IPO11: variants seen among roughly 807,000 people sequenced by gnomAD.
IPO11 encodes importin-11.
Under a neutral mutation model 143.2 loss-of-function variants are expected in IPO11, and 66 were observed. The observed-to-expected ratio is 0.46, with a 90% CI of 0.38 to 0.57. The LOEUF (loss-of-function observed/expected upper bound fraction) is 0.57. Among genes scored for constraint, IPO11 ranks in the 20% least tolerant of loss-of-function variants. The pLI is 0.00. For synonymous variants in IPO11, 385 were observed against 377.8 expected (o/e 1.02, Z -0.22); for missense variants, 1,026 against 1,141.0 (o/e 0.90, Z 1.45).
intron 3 of IPO11, chr5:62,443,375 C>T: frequency 4.2e-6 from 1 of 239,742 alleles, no homozygotes; most frequent in African/African-American, 2.5e-5. Flanking sequence ...TCATGGTTTT[C>T]CATTTGAGTG....
chr5:62,510,500 GATGTATGCTCC>G (rs1325250576), intron 19 of IPO11, among the ~76,000 whole-genome samples: 1 of 152,082 alleles, frequency 6.6e-6, no homozygotes, highest in Non-Finnish European at 1.5e-5. Context: ...CTTCTTAAGA[GATGTATGCTCC>G]ATTTCCTACA....
At chr5:62,422,645 T>C (rs1743555206) in intron 1 of IPO11, 1 of 152,192 alleles carries the variant, frequency 6.6e-6, no homozygotes, top group African/African-American at 2.4e-5. Flanking sequence ...GGAACTCTTG[T>C]ATATACCAAA....
intron 9 of IPO11, among the ~76,000 whole-genome samples, chr5:62,482,885 A>G (rs942302584): frequency 6.6e-6 from 1 of 152,172 alleles, no homozygotes. Context: ...TGAAAATAAT[A>G]GAAAGTTCTT....
intron 1 of IPO11, among the ~76,000 whole-genome samples, chr5:62,434,967 A>C (rs1744118356): frequency 6.7e-6 from 1 of 150,354 alleles, no homozygotes; most frequent in African/African-American, 2.5e-5. Flanking sequence ...AGAGGTTGCC[A>C]TGAGCTGAGA....
chr5:62,493,937 TA>T, intron 15 of IPO11, 60 bp from the exon 16 acceptor site: 1 of 1,408,020 alleles, frequency 7.1e-7, no homozygotes, highest in Admixed American at 2.1e-5. Context: ...TAAATTATAC[TA>T]AAAGAAATAG....
rs535480661 is a variant in IPO11 at position 62,484,056 on chromosome 5, C to T, written c.1068C>T (p.Phe356=). 2 of 1,609,166 alleles carry T rather than the reference C, an allele frequency of 1.2e-6. No individual in the cohort carries two copies. The highest frequency in any genetic ancestry group is 1.7e-5 in the Admixed American group (1 of 59,090). ...AAGCCCATAAGATTAAGATGGCATT[C>T]TTCACATATCCTACTTTGACAGAGA... is the stretch of plus-strand genomic sequence containing the variant. The part of the protein sequence containing the change: ...TLEAHKIKMA[F]FTYPTLTEIC... Residue 356 remains phenylalanine, a synonymous_variant, in exon 11 of 30, where the codon TTC becomes TTT. Transcript: ENST00000325324.
At chr5:62,599,690 G>C (rs765219816) in intron 28 of IPO11, among the ~76,000 whole-genome samples, 2 of 152,202 alleles carry the variant, frequency 1.3e-5, no homozygotes, top group Non-Finnish European at 2.9e-5. Context: ...TCTGCCTTGA[G>C]TTTAGAATGG....
rs1214176867 is a variant in IPO11, at chr5:62,598,391, GCTTTCTTTCTTT to G, written c.2679-3342_2679-3331del. Among the ~76,000 whole-genome samples the G allele has an allele frequency of 6.3e-4, 23 of 36,502 alleles. 1 individual carries two copies. The East Asian group carries it at 6.3e-3, about 10-fold the overall frequency. 23.9% of individuals were successfully genotyped at this position (36,502 alleles called of 152,430 possible). A position where few individuals can be genotyped will look rare whatever the true frequency, so the allele number is the denominator to read the frequency against. ...CCATAAATTGTTTGCTTGCTTGCTT[GCTTTCTTTCTTT>G]CTTTCTTTCTTTCTTTCTTTCTTTC... On this transcript the variant is annotated intron_variant, in intron 28 of 29. Coordinates refer to ENST00000325324, the MANE Select transcript of IPO11 (RefSeq NM_016338.5).
At chr5:62,595,431 T>C (rs1180967127) in intron 28 of IPO11, among the ~76,000 whole-genome samples, 1 of 152,256 alleles carries the variant, frequency 6.6e-6, no homozygotes, top group Non-Finnish European at 1.5e-5. Flanking sequence ...GTTGTGCTTA[T>C]ACCTGTAGCC....
At position 62,580,390 on chromosome 5, in the gene IPO11, G is replaced by C. The variant is rs749566591; in HGVS notation, c.2583-11187G>C. 1.9e-6 allele frequency: 3 copies of C among 1,549,690 alleles called. No individual in the cohort carries two copies. The Admixed American group carries it at 5.9e-5, about 30-fold the overall frequency. ...AAACAGAATAATTAGCATTGATAAT[G>C]ATACATTTGAAAATATGGGAGCATC... On this transcript the variant is annotated intron_variant, in intron 27 of 29. Transcript: ENST00000325324.
chr5:62,425,172 C>G (rs962436695), intron 1 of IPO11, among the ~76,000 whole-genome samples: 2 of 152,182 alleles, frequency 1.3e-5, no homozygotes, highest in African/African-American at 2.4e-5. Context: ...ATCCCTGTTA[C>G]ATTTCCAGAT....
At chr5:62,457,924 G>A (rs533877743) in intron 5 of IPO11, among the ~76,000 whole-genome samples, 73 of 152,164 alleles carry the variant, frequency 4.8e-4, no homozygotes, top group African/African-American at 1.4e-3. Flanking sequence ...CGAGGAGGGC[G>A]GATCACGAGG....
At position 62,451,858 on chromosome 5, in the gene IPO11, A is replaced by ATTAC; in HGVS notation, c.446_449dup (p.Phe151TyrfsTer12). ...AGGATGATCTTCGACAGCACAGAGCATTACTTACCTTCTATCATGTTACCA... is the reference window on the plus strand; with the variant it reads ...AGGATGATCTTCGACAGCACAGAGCATTACTTACTTACCTTCTATCATGTTACCA... On this transcript the variant is annotated frameshift_variant, in exon 5 of 30. Coordinates refer to ENST00000325324, the MANE Select transcript of IPO11 (RefSeq NM_016338.5). LOFTEE classifies it high-confidence loss of function. 3 of 1,614,080 alleles carry ATTAC rather than the reference A, an allele frequency of 1.9e-6. No homozygotes were observed. Among genetic ancestry groups the ATTAC allele is most frequent in the Non-Finnish European group, 2.5e-6 (3 of 1,179,892 alleles).
chr5:62,423,946 G>A (rs920329627), intron 1 of IPO11, among the ~76,000 whole-genome samples: 2 of 152,080 alleles, frequency 1.3e-5, no homozygotes, highest in African/African-American at 2.4e-5. Flanking sequence ...CAGTTTGCTT[G>A]TATTTCCTAT....
chr5:62,453,311 T>A (rs1683716578), intron 5 of IPO11, among the ~76,000 whole-genome samples: 1 of 151,156 alleles, frequency 6.6e-6, no homozygotes, highest in Admixed American at 6.6e-5. Context: ...CTTCTGACTT[T>A]TGCTCTGGTC....
At chr5:62,433,037 GT>G (rs933862401) in intron 1 of IPO11, among the ~76,000 whole-genome samples, 7 of 152,030 alleles carry the variant, frequency 4.6e-5, no homozygotes, top group Non-Finnish European at 7.4e-5. Context: ...TCATTTAATG[GT>G]TTTAGCATGG....
chr5:62,430,229 G>A (rs1216652261), intron 1 of IPO11, among the ~76,000 whole-genome samples: 1 of 152,156 alleles, frequency 6.6e-6, no homozygotes, highest in Non-Finnish European at 1.5e-5. Context: ...ATGTTATTCT[G>A]TGTTTAACAT....
At chr5:62,577,931 T>G (rs1744381126) in intron 27 of IPO11, among the ~76,000 whole-genome samples, 1 of 152,060 alleles carries the variant, frequency 6.6e-6, no homozygotes, top group Non-Finnish European at 1.5e-5. Context: ...CTTAAGCAAC[T>G]AGCTTAAAGT....
chr5:62,627,401 G>A lies in IPO11; in HGVS notation c.*83G>A, dbSNP rs371059482. The A allele has an allele frequency of 1.6e-6, 2 of 1,283,548 alleles. No individual in the cohort carries two copies. Among genetic ancestry groups the A allele is most frequent in the South Asian group, 3.3e-5 (2 of 60,300 alleles). 79.5% of individuals were successfully genotyped at this position (1,283,548 alleles called of 1,614,324 possible). A position where few individuals can be genotyped will look rare whatever the true frequency, so the allele number is the denominator to read the frequency against. ...CCGTTTGTATGTGAGAGCCTGCTGA[G>A]ATGAAGAAATCACTTCATGAAAATA... On this transcript the variant is annotated 3_prime_UTR_variant, in exon 30 of 30. Coordinates refer to ENST00000325324, the MANE Select transcript of IPO11 (RefSeq NM_016338.5).
Sources: gnomAD v4.1 joint callset for allele counts (sites outside exome capture counted in the v4.1 genomes callset) on GRCh38, gnomAD v4.1.1 for gene constraint, MANE v1.5 for transcripts, NCBI Gene and HGNC (gene_info 2026-07-23, HGNC 2026-07-21) for gene names.